The following MAPK13 variants were observed in gnomAD, a reference collection of about 807,000 sequenced individuals.
MAPK13 encodes the protein MAP kinase 13.
MAPK13 carries 39 observed loss-of-function variants against 53.5 expected under a neutral mutation model. The ratio of observed to expected loss-of-function variants is 0.73; its 90% CI spans 0.56 to 0.95. The LOEUF (loss-of-function observed/expected upper bound fraction) is 0.95. MAPK13 is among the 40% of genes least tolerant of loss of function. The pLI is 0.00. For missense variants in MAPK13, 460 were observed against 471.8 expected, an observed-to-expected ratio of 0.98 and a Z score of 0.23; for synonymous variants, 179 against 190.9, an observed-to-expected ratio of 0.94 and a Z score of 0.51.
rs1301555331 is a variant in MAPK13, at chr6:36,139,620, T to G, written c.*247T>G. 3.9e-6 allele frequency: 2 copies of G among 506,790 alleles called. No homozygotes were observed. The highest frequency in any genetic ancestry group is 2.0e-5 in the African/African-American group (1 of 51,252). The allele number at this position is 506,790 out of a possible 1,614,324, so 31.4% of individuals were successfully genotyped here. A position where few individuals can be genotyped will look rare whatever the true frequency, so the allele number is the denominator to read the frequency against. The stretch of plus-strand genomic sequence containing the variant: ...ATCGCCTGCAGGTGGGGCCCTTTCC[T>G]TCCCGCCAGAGTGGGGCTGAGTGGG... On this transcript the variant is annotated 3_prime_UTR_variant, in exon 12 of 12. Transcript: ENST00000211287.
rs1350510449 is a variant in MAPK13, at chr6:36,140,500, T to G, written c.*1127T>G. 6.6e-6 allele frequency: 1 copy of G among 152,602 alleles called. No individual in the cohort carries two copies. The highest frequency in any genetic ancestry group is 2.4e-5 in the African/African-American group (1 of 41,410). 9.5% of individuals were successfully genotyped at this position (152,602 alleles called of 1,614,324 possible). A position where few individuals can be genotyped will look rare whatever the true frequency, so the allele number is the denominator to read the frequency against. On this transcript the variant is annotated 3_prime_UTR_variant, in exon 12 of 12. Transcript: ENST00000211287. ...TTTCCTTGTGCACCAGGGGACTTGT[T>G]AAAATGCAGATTCCTGGGCCCCACC... is the stretch of plus-strand genomic sequence containing the variant.
Position 36,135,646 on chromosome 6 carries a change from G to A in MAPK13, c.309-107G>A, listed in dbSNP as rs1039161682. ...GGTGGAGTTGAGTTTTTGCACACTG[G>A]AGGGTGTCTCTATGACCCCTGTTCT... On this transcript the variant is annotated intron_variant, in intron 3 of 11. Transcript: ENST00000211287. 7.2e-5 allele frequency: 51 copies of A among 709,412 alleles called. No individual in the cohort carries two copies. In the East Asian group the frequency reaches 1.3e-3, roughly 18 times the overall value. The allele number at this position is 709,412 out of a possible 1,614,324, so 43.9% of individuals were successfully genotyped here.
Position 36,130,996 on chromosome 6 carries a change from A to AGG in MAPK13, c.120-271_120-270dup. ...CAGACGAGTACACCGAGGCCCCAAG[A>AGG]GGGGGAGGTGGCTCGCCAAGTTGCA... is the stretch of plus-strand genomic sequence containing the variant. On this transcript the variant is annotated intron_variant, in intron 1 of 11. Coordinates refer to ENST00000211287, the MANE Select transcript of MAPK13 (RefSeq NM_002754.5). This position sits in a 1 kb window ranked among gnomAD's most constrained non-coding sequence, Gnocchi z 4.5. 1.9e-6 allele frequency: 1 copy of AGG among 525,282 alleles called. No individual in the cohort carries two copies. The highest frequency in any genetic ancestry group is 3.4e-6 in the Non-Finnish European group (1 of 295,166). The allele number at this position is 525,282 out of a possible 1,614,324, so 32.5% of individuals were successfully genotyped here.
In MAPK13 at chr6:36,139,591, G is replaced by A; in HGVS notation, c.*218G>A. 1.9e-6 allele frequency: 1 copy of A among 537,772 alleles called. No individual in the cohort carries two copies. Among genetic ancestry groups the A allele is most frequent in the Non-Finnish European group, 3.3e-6 (1 of 300,314 alleles). The allele number at this position is 537,772 out of a possible 1,614,324, so 33.3% of individuals were successfully genotyped here. ...CAGGCCACGTTAAACTGCCCATCTG[G>A]AGAATCGCCTGCAGGTGGGGCCCTT... On this transcript the variant is annotated 3_prime_UTR_variant, in exon 12 of 12. Transcript: ENST00000211287.
Position 36,131,139 on chromosome 6 carries a change from C to A in MAPK13, c.120-132C>A, listed in dbSNP as rs1766311423. On this transcript the variant is annotated intron_variant, in intron 1 of 11. Transcript: ENST00000211287. ...TTCCTACTCCCTGCCCTGCGTCCCGCGGCTCCCCCATATTCTAGGTGGTGG... is the reference window on the plus strand; with the variant it reads ...TTCCTACTCCCTGCCCTGCGTCCCGAGGCTCCCCCATATTCTAGGTGGTGG... 36 of 1,070,774 alleles carry A rather than the reference C, an allele frequency of 3.4e-5. 1 individual carries two copies. In the South Asian group the frequency reaches 5.5e-4, roughly 16 times the overall value. 66.3% of individuals were successfully genotyped at this position (1,070,774 alleles called of 1,614,324 possible).
At chr6:36,135,535 C>T (rs551056568) in intron 3 of MAPK13, among the ~76,000 whole-genome samples, 233 of 152,350 alleles carry the variant, frequency 1.5e-3, no homozygotes, top group Middle Eastern at 0.014. Flanking sequence ...GCAGCGCTTA[C>T]TCCGAGCTCT....
In MAPK13 at chr6:36,140,592, C is replaced by G. The variant is rs892730849; in HGVS notation, c.*1219C>G. 1 of 152,624 alleles carries G rather than the reference C, an allele frequency of 6.6e-6. No homozygotes were observed. The highest frequency in any genetic ancestry group is 1.5e-5 in the Non-Finnish European group (1 of 68,052). 9.5% of individuals were successfully genotyped at this position (152,624 alleles called of 1,614,324 possible). On this transcript the variant is annotated 3_prime_UTR_variant, in exon 12 of 12. Transcript: ENST00000211287. ...AATGTGCATTTGAATGAGGACCTCT[C>G]GCCCTGACCCAAGCCTAGTGATTCT... is the stretch of plus-strand genomic sequence containing the variant.
chr6:36,135,561 C>A (rs1424536145), intron 3 of MAPK13, among the ~76,000 whole-genome samples, 192 bp from the exon 4 acceptor site: 1 of 152,190 alleles, frequency 6.6e-6, no homozygotes, highest in Non-Finnish European at 1.5e-5. Flanking sequence ...CTGGGCGGCC[C>A]GCCACAGGGA....
At position 36,130,731 on chromosome 6, in the gene MAPK13, G is replaced by GGGCGGGA; in HGVS notation, c.119+36_119+37insAGGCGGG. The GGGCGGGA allele has an allele frequency of 1.7e-6, 2 of 1,185,456 alleles. No homozygotes were observed. The highest frequency in any genetic ancestry group is 2.4e-6 in the Non-Finnish European group (2 of 842,738). The allele number at this position is 1,185,456 out of a possible 1,614,324, so 73.4% of individuals were successfully genotyped here. On this transcript the variant is annotated intron_variant, in intron 1 of 11. Coordinates refer to ENST00000211287, the MANE Select transcript of MAPK13 (RefSeq NM_002754.5). The surrounding 1 kb of genome is among the most constrained non-coding windows in gnomAD (Gnocchi z 4.5). ...GACCCCTGGGCCGCTGGGGGGCGGG[G>GGGCGGGA]GGCGGGCGCCAGGCTCTCCCCTTTC...
chr6:36,131,386 A>T lies in MAPK13; in HGVS notation c.235A>T (p.Met79Leu). ...AYRELLLLKH[M>L]QHENVIGLLD... ...CCGGGAGCTGCTGCTGCTGAAGCAC[A>T]TGCAGCATGAGAACGTAGGTGGTGG... Residue 79 changes from methionine (M) to leucine (L), a missense_variant, in exon 2 of 12, where the codon ATG (methionine) becomes TTG (leucine). Transcript: ENST00000211287. 1.2e-6 allele frequency: 2 copies of T among 1,613,026 alleles called. No homozygotes were observed. The highest frequency in any genetic ancestry group is 1.7e-6 in the Non-Finnish European group (2 of 1,179,498).
chr6:36,137,376 G>A (rs977762121), intron 8 of MAPK13, among the ~76,000 whole-genome samples: 13 of 152,078 alleles, frequency 8.5e-5, no homozygotes, highest in African/African-American at 2.9e-4. Flanking sequence ...TTAGCCAGGC[G>A]TGGTGGCAGG....
intron 2 of MAPK13, 110 bp downstream of exon 2, chr6:36,131,510 CCCCTG>C (rs1766323357): frequency 1.8e-6 from 2 of 1,097,616 alleles, no homozygotes; most frequent in Non-Finnish European, 2.6e-6. Flanking sequence ...CCTCCCTGCT[CCCCTG>C]ACGGTGCCTC....
rs937235316 is a variant in MAPK13 at position 36,136,733 on chromosome 6, C to T, written c.573C>T (p.Pro191=). ...TGGTGACCCGCTGGTACCGAGCCCC[C>T]GAGGTGATCCTCAGCTGGATGCACT... is the stretch of plus-strand genomic sequence containing the variant. ...GYVVTRWYRA[P]EVILSWMHYN... is the part of the protein sequence containing the mutation. The change falls in exon 7 of 12, where the codon CCC becomes CCT. Residue 191 remains proline, a synonymous_variant. Coordinates refer to ENST00000211287, the MANE Select transcript of MAPK13 (RefSeq NM_002754.5). 17 of 1,613,908 alleles carry T rather than the reference C, an allele frequency of 1.1e-5. No individual in the cohort carries two copies. In the Admixed American group the frequency reaches 1.2e-4, roughly 11 times the overall value.
At chr6:36,134,626 G>A (rs1319971735) in intron 3 of MAPK13, among the ~76,000 whole-genome samples, 4 of 151,362 alleles carry the variant, frequency 2.6e-5, no homozygotes, top group South Asian at 2.1e-4. Flanking sequence ...TCGAATTCCC[G>A]GCCTCAAGTG....
At position 36,139,016 on chromosome 6, in the gene MAPK13, T is replaced by C; in HGVS notation, c.979T>C (p.Ser327Pro). 1 of 1,610,618 alleles carries C rather than the reference T, an allele frequency of 6.2e-7. No individual in the cohort carries two copies. The highest frequency in any genetic ancestry group is 8.5e-7 in the Non-Finnish European group (1 of 1,178,976). The change falls in exon 11 of 12, where the codon TCC (serine) becomes CCC (proline). Residue 327 changes from serine to proline, a missense_variant. Physicochemically the swap from Ser to Pro is moderately conservative, Grantham distance 74 (BLOSUM62 -1). Coordinates refer to ENST00000211287, the MANE Select transcript of MAPK13 (RefSeq NM_002754.5). Reference protein sequence around the residue: ...ETEAQQPFDDSLEHEKLTVDE... With the variant: ...ETEAQQPFDDPLEHEKLTVDE... ...GGAGGCCCAGCAGCCGTTTGATGAT[T>C]CCTTAGAACACGAGAAACTCACAGT... is the stretch of plus-strand genomic sequence containing the variant.
At chr6:36,132,541 C>T (rs909984388) in intron 2 of MAPK13, 80 bp from the exon 3 acceptor site, 13 of 1,305,390 alleles carry the variant, frequency 1.0e-5, no homozygotes, top group East Asian at 2.3e-5. Flanking sequence ...GTGGATGGCC[C>T]TGTGCATGGC....
At position 36,131,425 on chromosome 6, in the gene MAPK13, G is replaced by A. The variant is rs201173652; in HGVS notation, c.249+25G>A. The A allele has an allele frequency of 1.1e-5, 17 of 1,603,650 alleles. No individual in the cohort carries two copies. In the East Asian group the frequency reaches 3.6e-4, roughly 34 times the overall value. On this transcript the variant is annotated intron_variant, in intron 2 of 11. Coordinates refer to ENST00000211287, the MANE Select transcript of MAPK13 (RefSeq NM_002754.5). Reference sequence around the variant, plus strand: ...CGTAGGTGGTGGCTGCCCCGGGGAGGGGGTGGGGGCTGCCCTGGGGAGTCA... The same window carrying A: ...CGTAGGTGGTGGCTGCCCCGGGGAGAGGGTGGGGGCTGCCCTGGGGAGTCA...
Position 36,131,356 on chromosome 6 carries a change from G to T in MAPK13, c.205G>T (p.Ala69Ser), listed in dbSNP as rs774015147. ...TCAGTCCGAGATCTTCGCCAAGCGCGCCTACCGGGAGCTGCTGCTGCTGAA... is the reference window on the plus strand; with the variant it reads ...TCAGTCCGAGATCTTCGCCAAGCGCTCCTACCGGGAGCTGCTGCTGCTGAA... ...PFQSEIFAKR[A>S]YRELLLLKHM... The change falls in exon 2 of 12, where the codon GCC becomes TCC. Residue 69 changes from alanine (A) to serine (S), a missense_variant. Physicochemically the swap from Ala to Ser is moderately conservative, Grantham distance 99. Transcript: ENST00000211287. 6.2e-7 allele frequency: 1 copy of T among 1,613,742 alleles called. No homozygotes were observed. The highest frequency in any genetic ancestry group is 1.7e-5 in the Admixed American group (1 of 59,994).
chr6:36,135,723 A>G (rs1396451862), intron 3 of MAPK13, 30 bp from the exon 4 acceptor site: 3 of 1,538,576 alleles, frequency 1.9e-6, no homozygotes, highest in Non-Finnish European at 2.7e-6. Context: ...GGGACCCGGC[A>G]CTGTTCCAAG....
Sources: allele counts gnomAD v4.1 joint callset (sites outside exome capture counted in the v4.1 genomes callset), GRCh38; gene constraint gnomAD v4.1.1; non-coding constraint Gnocchi (gnomAD v3.1); transcripts MANE v1.5; gene names NCBI Gene and HGNC (gene_info 2026-07-23, HGNC 2026-07-21).